The following RBM47 variants were observed in gnomAD, a reference collection of about 807,000 sequenced individuals.
RBM47 encodes the protein RNA-binding protein 47.
Under a neutral mutation model 47.1 loss-of-function variants are expected in RBM47, and 21 were observed. That is an observed-to-expected ratio of 0.45 (90% CI 0.32 to 0.64). RBM47 has a LOEUF of 0.64. RBM47 is among the 30% of genes least tolerant of loss of function. The probability of loss-of-function intolerance (pLI) is 0.05; values close to 1 mark genes in which losing one functional copy is unlikely to be tolerated. For missense variants in RBM47, 708 were observed against 870.9 expected, an observed-to-expected ratio of 0.81 and a Z score of 2.35; for synonymous variants, 375 against 361.7, an observed-to-expected ratio of 1.04 and a Z score of -0.42.
intron 2 of RBM47, among the ~76,000 whole-genome samples, chr4:40,478,172 C>A (rs1404861071): frequency 6.6e-6 from 1 of 152,030 alleles, no homozygotes; most frequent in Non-Finnish European, 1.5e-5. Flanking sequence ...TGCGCCACCA[C>A]GCCCGGATAA....
intron 2 of RBM47, among the ~76,000 whole-genome samples, chr4:40,477,140 G>T (rs1180888711): frequency 6.6e-6 from 1 of 152,106 alleles, no homozygotes; most frequent in Non-Finnish European, 1.5e-5. Flanking sequence ...CCAAGATGGC[G>T]CCACTGCACT....
At chr4:40,495,744 C>T (rs1017978364) in intron 2 of RBM47, among the ~76,000 whole-genome samples, 4 of 152,162 alleles carry the variant, frequency 2.6e-5, no homozygotes, top group Non-Finnish European at 4.4e-5. Context: ...AGCACTCAGA[C>T]TGAAAATTGA....
chr4:40,618,202 C>CT (rs1045605450), intron 1 of RBM47, among the ~76,000 whole-genome samples: 1 of 151,602 alleles, frequency 6.6e-6, no homozygotes, highest in African/African-American at 2.4e-5. Context: ...ATGATTGTAC[C>CT]ACACTCCAGC....
Position 40,573,913 on chromosome 4 carries a change from T to C in RBM47, c.-239-29407A>G, listed in dbSNP as rs10027387. 6.2e-3 allele frequency among the ~76,000 whole-genome samples: 948 copies of C among 151,926 alleles called. 8 individuals carry two copies. Among genetic ancestry groups the C allele is most frequent in the African/African-American group, 0.022 (921 of 41,200 alleles). On this transcript the variant is annotated intron_variant, in intron 1 of 6. Transcript: ENST00000295971. ...AACAGTTTCCTAAGAAAGATAATCA[T>C]AATTTCCATTTCTGTAAAACTTTAT...
intron 1 of RBM47, among the ~76,000 whole-genome samples, chr4:40,586,041 C>A (rs1366122013): frequency 6.6e-6 from 1 of 152,220 alleles, no homozygotes; most frequent in Non-Finnish European, 1.5e-5. Context: ...CCGAGTGTTA[C>A]TAAATGCCCA....
At chr4:40,451,122 G>A (rs1715363029) in intron 3 of RBM47, among the ~76,000 whole-genome samples, 1 of 150,228 alleles carries the variant, frequency 6.7e-6, no homozygotes, top group African/African-American at 2.5e-5. Context: ...TGAGGTGGGA[G>A]GATCGCTGGA....
chr4:40,592,801 T>G (rs1466186864), intron 1 of RBM47, among the ~76,000 whole-genome samples: 1 of 150,780 alleles, frequency 6.6e-6, no homozygotes, highest in Non-Finnish European at 1.5e-5. Flanking sequence ...TCAGGCAATC[T>G]GCCTGCCTTG....
chr4:40,622,788 A>C (rs2154281760), intron 1 of RBM47, among the ~76,000 whole-genome samples: 1 of 152,358 alleles, frequency 6.6e-6, no homozygotes, highest in South Asian at 2.1e-4. Flanking sequence ...AGGCTGAGGC[A>C]GGAGAATCAC....
At chr4:40,614,325 T>C (rs1310383020) in intron 1 of RBM47, among the ~76,000 whole-genome samples, 1 of 151,652 alleles carries the variant, frequency 6.6e-6, no homozygotes, top group Non-Finnish European at 1.5e-5. Context: ...TTAGAGAAAA[T>C]TGCAGCTGTG....
intron 1 of RBM47, among the ~76,000 whole-genome samples, chr4:40,594,067 A>AAAAG (rs561016883): frequency 2.6e-5 from 4 of 151,962 alleles, no homozygotes; most frequent in South Asian, 2.1e-4. Flanking sequence ...ACAAACAAAA[A>AAAAG]AAAGAAAGAA....
intron 2 of RBM47, among the ~76,000 whole-genome samples, chr4:40,489,520 G>A (rs2154245605): frequency 6.6e-6 from 1 of 152,180 alleles, no homozygotes; most frequent in Middle Eastern, 3.4e-3. Context: ...AAATAAAAAG[G>A]ATAGCAAAGA....
At chr4:40,576,516 TAAA>T (rs1044583791) in intron 1 of RBM47, among the ~76,000 whole-genome samples, 2 of 152,196 alleles carry the variant, frequency 1.3e-5, no homozygotes, top group African/African-American at 4.8e-5. Flanking sequence ...TTGGAAACTG[TAAA>T]ATATCAGACA....
At chr4:40,479,327 ATACAGTGGCTCATGCCTATAATCCC>A (rs1720063146) in intron 2 of RBM47, among the ~76,000 whole-genome samples, 2 of 152,170 alleles carry the variant, frequency 1.3e-5, no homozygotes, top group Admixed American at 6.5e-5. Flanking sequence ...GGTAGGCTGG[ATACAGTGGCTCATGCCTATAATCCC>A]AGCACTTTGG....
intron 1 of RBM47, among the ~76,000 whole-genome samples, chr4:40,545,702 T>TAAATAAATAAATAAAA (rs1202852135): frequency 2.0e-5 from 3 of 150,908 alleles, no homozygotes; most frequent in South Asian, 2.1e-4. Context: ...AATAAATAAA[T>TAAATAAATAAATAAAA]AAAAGAGAAA....
chr4:40,435,442 G>A (rs192044616), intron 5 of RBM47, among the ~76,000 whole-genome samples: 9 of 152,126 alleles, frequency 5.9e-5, no homozygotes, highest in East Asian at 3.9e-4. Context: ...CCAGCTACTC[G>A]GGAGGTTGAG....
chr4:40,433,282 G>A (rs977020538), intron 5 of RBM47, among the ~76,000 whole-genome samples: 9 of 152,036 alleles, frequency 5.9e-5, no homozygotes, highest in Non-Finnish European at 8.8e-5. Flanking sequence ...TTAAAACCAC[G>A]TTTAGAGGTC....
chr4:40,541,010 C>T (rs1560456526), intron 2 of RBM47, among the ~76,000 whole-genome samples: 1 of 151,682 alleles, frequency 6.6e-6, no homozygotes, highest in Non-Finnish European at 1.5e-5. Flanking sequence ...TGAATCAAGC[C>T]AGGCACAGTG....
intron 1 of RBM47, among the ~76,000 whole-genome samples, chr4:40,619,142 C>A (rs943719696): frequency 6.6e-6 from 1 of 152,152 alleles, no homozygotes; most frequent in African/African-American, 2.4e-5. Context: ...CAAAAATCAA[C>A]CCCTGGACAG....
At chr4:40,551,409 G>A (rs573352041) in intron 1 of RBM47, among the ~76,000 whole-genome samples, 67 of 152,202 alleles carry the variant, frequency 4.4e-4, no homozygotes, top group African/African-American at 1.2e-3. Context: ...TGCAAACTCC[G>A]ATTCTACCAT....
Sources: allele counts gnomAD v4.1 joint callset (sites outside exome capture counted in the v4.1 genomes callset), GRCh38; gene constraint gnomAD v4.1.1; transcripts MANE v1.5; gene names NCBI Gene and HGNC (gene_info 2026-07-23, HGNC 2026-07-21).